The following RNF125 variants were observed in gnomAD, a reference collection of about 807,000 sequenced individuals.
RNF125 encodes the protein ring finger protein 125, also known as E3 ubiquitin-protein ligase RNF125.
A neutral mutation model predicts 26.0 loss-of-function variants in RNF125; 21 were observed. That is an observed-to-expected ratio of 0.81 (90% CI 0.57 to 1.16). The LOEUF (loss-of-function observed/expected upper bound fraction) is 1.16, where lower values mean the gene tolerates loss of function less well. Ranked by LOEUF, RNF125 falls within the 50% of genes most tolerant of loss-of-function variation. The probability of loss-of-function intolerance (pLI) is 0.00; values close to 1 mark genes in which losing one functional copy is unlikely to be tolerated. For synonymous variants in RNF125, 95 were observed against 109.2 expected (o/e 0.87, Z 0.81); for missense variants, 270 against 299.4 (o/e 0.90, Z 0.72).
chr18:32,065,045 ATAGT>A (rs1248099532), intron 4 of RNF125, among the ~76,000 whole-genome samples: 5 of 152,224 alleles, frequency 3.3e-5, no homozygotes, highest in Admixed American at 3.3e-4. Flanking sequence ...TATGAAACAA[ATAGT>A]TATATTGTTA....
chr18:32,026,602 T>C (rs2039039329), intron 1 of RNF125, among the ~76,000 whole-genome samples: 2 of 151,976 alleles, frequency 1.3e-5, no homozygotes, highest in Admixed American at 6.6e-5. Flanking sequence ...TGCTTCTTTT[T>C]CCCCAGACCC....
chr18:32,087,384 G>A, the RNF125 span, among the ~76,000 whole-genome samples: 2 of 151,834 alleles, frequency 1.3e-5, no homozygotes, highest in Admixed American at 6.6e-5. Context: ...CTGGTTGGTC[G>A]GAAGTTCTGG....
chr18:32,085,387 G>C, the RNF125 span, among the ~76,000 whole-genome samples: 1 of 141,410 alleles, frequency 7.1e-6, no homozygotes, highest in African/African-American at 3.1e-5. Flanking sequence ...GAGAGAGAGA[G>C]AGAGAGAGAG....
Position 32,068,471 on chromosome 18 carries a change from T to A in RNF125, c.*87T>A, listed in dbSNP as rs184182017. 120 of 790,266 alleles carry A rather than the reference T, an allele frequency of 1.5e-4. No individual in the cohort carries two copies. In the African/African-American group the frequency reaches 1.9e-3, roughly 12 times the overall value. 49.0% of individuals were successfully genotyped at this position (790,266 alleles called of 1,614,324 possible). A position where few individuals can be genotyped will look rare whatever the true frequency, so the allele number is the denominator to read the frequency against. On this transcript the variant is annotated 3_prime_UTR_variant, in exon 6 of 6. Transcript: ENST00000217740. The stretch of plus-strand genomic sequence containing the variant: ...AAATGGGAGGGAAGTTGTCAATGAT[T>A]GATGGGCAAAAATGTACAACACAGT...
intron 4 of RNF125, among the ~76,000 whole-genome samples, chr18:32,048,293 G>A (rs1286658534): frequency 6.6e-6 from 1 of 151,766 alleles, no homozygotes; most frequent in Non-Finnish European, 1.5e-5. Context: ...GGGTGTGGTG[G>A]GGGGCACCTG....
At chr18:32,062,815 G>T (rs1369496472) in intron 4 of RNF125, among the ~76,000 whole-genome samples, 1 of 152,000 alleles carries the variant, frequency 6.6e-6, no homozygotes, top group African/African-American at 2.4e-5. Context: ...AATAAGGATA[G>T]CAATTAATTC....
rs914116677 is a variant in RNF125, at chr18:32,072,851, T to A, written c.*4467T>A. ...TGAAAGATTGGATTGATTGTGAATC[T>A]ACACTAAAGATATGGTTCCAGGCAG... On this transcript the variant is annotated 3_prime_UTR_variant, in exon 6 of 6. Coordinates refer to ENST00000217740, the MANE Select transcript of RNF125 (RefSeq NM_017831.4). 4 of 152,212 alleles carry A rather than the reference T, an allele frequency of 2.6e-5. No homozygotes were observed. Among genetic ancestry groups the A allele is most frequent in the African/African-American group, 9.6e-5 (4 of 41,452 alleles). The allele number at this position is 152,212 out of a possible 1,614,324, so 9.4% of individuals were successfully genotyped here.
intron 2 of RNF125, among the ~76,000 whole-genome samples, chr18:32,039,068 G>A (rs898002292): frequency 6.7e-6 from 1 of 149,574 alleles, no homozygotes; most frequent in Non-Finnish European, 1.5e-5. Context: ...GCCCAGCCCA[G>A]GATTGTATCT....
At position 32,037,081 on chromosome 18, in the gene RNF125, A is replaced by G. The variant is rs1208107208; in HGVS notation, c.165-35A>G. 4 of 1,559,464 alleles carry G rather than the reference A, an allele frequency of 2.6e-6. No homozygotes were observed. The African/African-American group carries it at 5.6e-5, about 22-fold the overall frequency. On this transcript the variant is annotated intron_variant, in intron 1 of 5. Transcript: ENST00000217740. ...TGGTGGTGGCTCCTTATAGCTTTCA[A>G]GGAAAGTGATGTATTTTTGGTCTGT...
At position 32,069,922 on chromosome 18, in the gene RNF125, A is replaced by G. The variant is rs1207097735; in HGVS notation, c.*1538A>G. On this transcript the variant is annotated 3_prime_UTR_variant, in exon 6 of 6. Coordinates refer to ENST00000217740, the MANE Select transcript of RNF125 (RefSeq NM_017831.4). ...TGCCCTGTCCTCTCGATATTAGCACACAGTGCAGGTTCAGGCACATTGAAT... is the reference window on the plus strand; with the variant it reads ...TGCCCTGTCCTCTCGATATTAGCACGCAGTGCAGGTTCAGGCACATTGAAT... 1 of 152,158 alleles carries G rather than the reference A, an allele frequency of 6.6e-6. No individual in the cohort carries two copies. Among genetic ancestry groups the G allele is most frequent in the Non-Finnish European group, 1.5e-5 (1 of 68,040 alleles). 9.4% of individuals were successfully genotyped at this position (152,158 alleles called of 1,614,324 possible). A position where few individuals can be genotyped will look rare whatever the true frequency, so the allele number is the denominator to read the frequency against.
In RNF125 at chr18:32,042,647, C is replaced by A. The variant is rs139211890; in HGVS notation, c.413+374C>A. Among the ~76,000 whole-genome samples the A allele has an allele frequency of 4.1e-3, 616 of 152,022 alleles. 7 individuals are homozygous for A. The highest frequency in any genetic ancestry group is 0.014 in the African/African-American group (599 of 41,446). ...TTATCCATCTTCTGTCACCACTGCT[C>A]ATTTCACCAGCTCATTCCTTATCAT... On this transcript the variant is annotated intron_variant, in intron 3 of 5. Transcript: ENST00000217740.
chr18:32,076,338 A>G (rs1322969857), downstream of RNF125: 1 of 286,868 alleles, frequency 3.5e-6, no homozygotes, highest in Non-Finnish European at 6.8e-6. Context: ...TTTTTTTGAA[A>G]CAGGGTCTCA....
At chr18:32,060,216 G>C (rs2039421992) in intron 4 of RNF125, among the ~76,000 whole-genome samples, 2 of 152,334 alleles carry the variant, frequency 1.3e-5, no homozygotes, top group Admixed American at 1.3e-4. Context: ...GCATCAGTAG[G>C]ATGAGGTGAA....
At chr18:32,082,325 A>AAC in the RNF125 span, among the ~76,000 whole-genome samples, 535 of 151,446 alleles carry the variant, frequency 3.5e-3, 2 homozygotes, top group African/African-American at 0.012. Flanking sequence ...TACACACACA[A>AAC]ACACACACAC....
At chr18:32,074,004 G>T (rs1370891536), downstream of RNF125, among the ~76,000 whole-genome samples, 2 of 152,158 alleles carry the variant, frequency 1.3e-5, no homozygotes, top group Non-Finnish European at 2.9e-5. Context: ...GCTAATCATT[G>T]CCACCAAAAT....
At chr18:32,045,874 C>T (rs1242551682) in intron 4 of RNF125, 142 bp downstream of exon 4, 2 of 550,018 alleles carry the variant, frequency 3.6e-6, no homozygotes, top group Non-Finnish European at 6.5e-6. Context: ...TGACTGTTTA[C>T]AATGTGTGAA....
At chr18:32,084,296 A>G in the RNF125 span, among the ~76,000 whole-genome samples, 5 of 152,324 alleles carry the variant, frequency 3.3e-5, no homozygotes, top group East Asian at 7.7e-4. Context: ...CGGAGGTTGC[A>G]GTGAGCCGAG....
downstream of RNF125, among the ~76,000 whole-genome samples, chr18:32,073,675 C>A (rs922807728): frequency 6.6e-6 from 1 of 152,130 alleles, no homozygotes; most frequent in South Asian, 2.1e-4. Flanking sequence ...AGCTGTCATG[C>A]GTACCCATAT....
downstream of RNF125, among the ~76,000 whole-genome samples, chr18:32,075,524 A>G (rs2039564245): frequency 2.6e-5 from 4 of 151,868 alleles, no homozygotes; most frequent in Admixed American, 2.0e-4. Context: ...AGAAATCCCA[A>G]CTCTACTAAA....
Sources: gnomAD v4.1 joint callset for allele counts (sites outside exome capture counted in the v4.1 genomes callset) on GRCh38, gnomAD v4.1.1 for gene constraint, MANE v1.5 for transcripts, NCBI Gene and HGNC (gene_info 2026-07-23, HGNC 2026-07-21) for gene names.